POTEF: variants seen among roughly 807,000 people sequenced by gnomAD.
The protein encoded by POTEF is ANKRD26-like family C member 1B.
A neutral mutation model predicts 83.2 loss-of-function variants in POTEF; 20 were observed. The observed-to-expected ratio is 0.24, with a 90% CI of 0.17 to 0.35. The LOEUF (loss-of-function observed/expected upper bound fraction) is 0.35, where lower values mean the gene tolerates loss of function less well. POTEF is among the 10% of genes least tolerant of loss of function. POTEF has a pLI of 1.00. For synonymous variants in POTEF, 196 were observed against 446.4 expected, an observed-to-expected ratio of 0.44 and a Z score of 7.07; for missense variants, 550 against 1,203.2, an observed-to-expected ratio of 0.46 and a Z score of 8.03.
At position 130,075,518 on chromosome 2, in the gene POTEF, G is replaced by T. The variant is rs764880739; in HGVS notation, c.1954C>A (p.Arg652=). The part of the protein sequence containing the change: ...KDILHENSTL[R]EEIAMLRLEL... ...AGTCTTAGCATGGCAATTTCTTCCC[G>T]CAACGTACTATTTTCATGCAAGATG... The change falls in exon 17 of 17, where the codon CGG becomes AGG. Residue 652 remains arginine (R), a synonymous_variant. Coordinates refer to ENST00000409914, the MANE Select transcript of POTEF (RefSeq NM_001099771.2). 3.1e-6 allele frequency: 5 copies of T among 1,609,154 alleles called. No homozygotes were observed. The highest frequency in any genetic ancestry group is 4.2e-6 in the Non-Finnish European group (5 of 1,178,546).
At chr2:130,104,760 G>A (rs1315668785) in intron 8 of POTEF, among the ~76,000 whole-genome samples, 4 of 151,190 alleles carry the variant, frequency 2.6e-5, no homozygotes, top group Admixed American at 2.6e-4. Flanking sequence ...AAGTTCATCT[G>A]TCCCATTCTA....
At chr2:130,120,722 C>G in intron 2 of POTEF, 114 bp from the exon 3 acceptor site, 1 of 932,848 alleles carries the variant, frequency 1.1e-6, no homozygotes, top group South Asian at 1.8e-5. Context: ...AAGCCCACGC[C>G]CCCCCTGGGC....
chr2:130,115,686 C>A (rs1684828740), intron 3 of POTEF, among the ~76,000 whole-genome samples: 1 of 152,194 alleles, frequency 6.6e-6, no homozygotes, highest in African/African-American at 2.4e-5. Context: ...CACTCTAATG[C>A]TTAAATGAGA....
chr2:130,105,403 A>C (rs1275955575), intron 8 of POTEF, among the ~76,000 whole-genome samples: 1 of 151,600 alleles, frequency 6.6e-6, no homozygotes, highest in Non-Finnish European at 1.5e-5. Flanking sequence ...ATGCTACTCC[A>C]AGGATGTATG....
At chr2:130,107,928 A>G in intron 8 of POTEF, 81 bp downstream of exon 8, 1 of 1,592,502 alleles carries the variant, frequency 6.3e-7, no homozygotes, top group East Asian at 2.2e-5. Context: ...CCATGGAAAA[A>G]TTGTCTTCCA....
rs532998196 is a variant in POTEF, at chr2:130,075,026, G to A, written c.2446C>T (p.Arg816Cys). ...AACATGATCTGGGTCATCTTCTCGC[G>A]GTTGGCCTTAGGGTTCAGGGTGGCC... ...TEATLNPKAN[R>C]EKMTQIMFET... The change falls in exon 17 of 17, where the codon CGC becomes TGC. Residue 816 changes from arginine (R) to cysteine (C), a missense_variant. Arg to Cys is a radical substitution (Grantham distance 180). Coordinates refer to ENST00000409914, the MANE Select transcript of POTEF (RefSeq NM_001099771.2). 46 of 1,613,700 alleles carry A rather than the reference G, an allele frequency of 2.9e-5. No homozygotes were observed. Among genetic ancestry groups the A allele is most frequent in the Middle Eastern group, 1.7e-4 (1 of 6,052 alleles).
Position 130,074,916 on chromosome 2 carries a change from C to T in POTEF, c.2556G>A (p.Val852=), listed in dbSNP as rs1280835911. Residue 852 remains valine, a synonymous_variant, in exon 17 of 17, where the codon GTG becomes GTA. Transcript: ENST00000409914. The part of the protein sequence containing the change: ...LYTSGRTTGI[V]MDSGDGVTHT... ...GGGTGACCCCGTCACCAGAGTCCAT[C>T]ACGATGCCAGTAGTACGGCCAGAGG... 6.2e-7 allele frequency: 1 copy of T among 1,602,740 alleles called. No individual in the cohort carries two copies. Among genetic ancestry groups the T allele is most frequent in the African/African-American group, 1.4e-5 (1 of 71,200 alleles).
Position 130,074,265 on chromosome 2 carries a change from A to G in POTEF, c.3207T>C (p.Ile1069=). 1.9e-6 allele frequency: 3 copies of G among 1,608,798 alleles called. No individual in the cohort carries two copies. The highest frequency in any genetic ancestry group is 2.5e-6 in the Non-Finnish European group (3 of 1,178,294). The change falls in exon 17 of 17, where the codon ATT becomes ATC. Residue 1069 remains isoleucine, a synonymous_variant. Transcript: ENST00000409914. The stretch of plus-strand genomic sequence containing the variant: ...CCACCTACAAGCATTTGCGGTGGAC[A>G]ATGGAGGGGCCTGACTCATCATACT... ...KQEYDESGPS[I]VHRKCL is the part of the protein sequence containing the mutation.
At chr2:130,103,242 A>G (rs1464263742) in intron 8 of POTEF, among the ~76,000 whole-genome samples, 5 of 149,328 alleles carry the variant, frequency 3.3e-5, no homozygotes, top group Admixed American at 2.7e-4. Context: ...AGCTGGGATT[A>G]CAGGCATGTA....
intron 8 of POTEF, among the ~76,000 whole-genome samples, chr2:130,104,302 G>T (rs1684453553): frequency 7.0e-6 from 1 of 142,078 alleles, no homozygotes; most frequent in Non-Finnish European, 1.5e-5. Flanking sequence ...TGACAATAAA[G>T]CAAAGAAACC....
intron 7 of POTEF, among the ~76,000 whole-genome samples, chr2:130,108,866 C>G (rs1300044345): frequency 1.3e-5 from 2 of 150,516 alleles, no homozygotes; most frequent in African/African-American, 4.9e-5. Flanking sequence ...TCTACCGACT[C>G]AAACTCTCAG....
chr2:130,110,398 G>A, intron 7 of POTEF, 145 bp downstream of exon 7: 1 of 1,556,308 alleles, frequency 6.4e-7, no homozygotes, highest in Non-Finnish European at 8.7e-7. Context: ...CTGATTTCTG[G>A]CTGATGCAGG....
intron 1 of POTEF, among the ~76,000 whole-genome samples, chr2:130,128,272 C>T (rs530477229): frequency 1.2e-4 from 18 of 151,510 alleles, no homozygotes; most frequent in East Asian, 3.9e-4. Flanking sequence ...GGGGTGTGGG[C>T]GGGAGGTGCA....
chr2:130,105,112 T>C (rs78023336), intron 8 of POTEF, among the ~76,000 whole-genome samples: 65,486 of 126,258 alleles, frequency 0.52, 16,657 homozygotes, highest in Admixed American at 0.63. Flanking sequence ...CCCCCAAGCC[T>C]TTCTCATTCA....
rs1684825605 is a variant in POTEF at position 130,115,551 on chromosome 2, C to T, written c.522-223G>A. On this transcript the variant is annotated intron_variant, in intron 3 of 16. Transcript: ENST00000409914. Reference sequence around the variant, plus strand: ...TATAAAGAGCATAGCCCTTGGATGACATTCAACGTGGGCTGGAATCCTACT... The same window carrying T: ...TATAAAGAGCATAGCCCTTGGATGATATTCAACGTGGGCTGGAATCCTACT... Among the ~76,000 whole-genome samples the T allele has an allele frequency of 3.3e-5, 5 of 152,096 alleles. No homozygotes were observed. In the South Asian group the frequency reaches 1.0e-3, roughly 32 times the overall value.
intron 8 of POTEF, among the ~76,000 whole-genome samples, chr2:130,103,102 CTTTTTTTT>C (rs60152509): frequency 1.6e-5 from 2 of 126,456 alleles, no homozygotes; most frequent in Admixed American, 8.0e-5. Flanking sequence ...TTCTTTCTTT[CTTTTTTTT>C]TTTTTTTTTG....
At chr2:130,107,027 T>C (rs559493339) in intron 8 of POTEF, among the ~76,000 whole-genome samples, 2 of 149,936 alleles carry the variant, frequency 1.3e-5, no homozygotes, top group South Asian at 4.2e-4. Context: ...CTTTGATAAA[T>C]AGATGACTAA....
At chr2:130,121,710 C>T (rs1160455396) in intron 2 of POTEF, among the ~76,000 whole-genome samples, 1 of 78,918 alleles carries the variant, frequency 1.3e-5, no homozygotes, top group Non-Finnish European at 2.5e-5. Context: ...TATAATCAAA[C>T]ACCACCTTTT....
intron 3 of POTEF, among the ~76,000 whole-genome samples, chr2:130,116,211 G>C (rs1262968418): frequency 5.9e-5 from 9 of 151,462 alleles, no homozygotes; most frequent in Non-Finnish European, 1.2e-4. Flanking sequence ...TGAATAGCAT[G>C]GGCTCATTTT....
Sources: gnomAD v4.1 joint callset for allele counts (sites outside exome capture counted in the v4.1 genomes callset) on GRCh38, gnomAD v4.1.1 for gene constraint, MANE v1.5 for transcripts, NCBI Gene and HGNC (gene_info 2026-07-23, HGNC 2026-07-21) for gene names.